The following DHX57 variants were observed in gnomAD, a reference collection of about 807,000 sequenced individuals.
DHX57 encodes putative ATP-dependent RNA helicase DHX57.
In DHX57, 105 loss-of-function variants were observed where a neutral mutation model predicts 156.2. The ratio of observed to expected loss-of-function variants is 0.67; its 90% CI spans 0.57 to 0.79. The LOEUF (loss-of-function observed/expected upper bound fraction) is 0.79. DHX57 is among the 30% of genes least tolerant of loss of function. The pLI is 0.00. For synonymous variants in DHX57, 704 were observed against 595.6 expected (o/e 1.18, Z -2.65); for missense variants, 1,847 against 1,661.9 (o/e 1.11, Z -1.94).
intron 11 of DHX57, among the ~76,000 whole-genome samples, chr2:38,844,309 C>T (rs547637738): frequency 2.6e-5 from 4 of 152,086 alleles, no homozygotes; most frequent in Non-Finnish European, 5.9e-5. Context: ...ATTAGAGGCA[C>T]AAGAAAAGTA....
At chr2:38,811,466 G>A (rs144303114) in intron 21 of DHX57, 149 of 653,466 alleles carry the variant, frequency 2.3e-4, no homozygotes, top group African/African-American at 1.2e-3. Flanking sequence ...CCTTGCTGAC[G>A]TCCTCAATGA....
At chr2:38,829,152 A>C (rs1671250850) in intron 13 of DHX57, among the ~76,000 whole-genome samples, 1 of 152,168 alleles carries the variant, frequency 6.6e-6, no homozygotes, top group South Asian at 2.1e-4. Flanking sequence ...CATGTTGCCC[A>C]GGCTGGTCTC....
intron 11 of DHX57, among the ~76,000 whole-genome samples, chr2:38,846,692 G>C (rs1198090306): frequency 6.6e-6 from 1 of 151,736 alleles, no homozygotes. Flanking sequence ...CTGAAAGAGA[G>C]GGGAGAACAA....
At chr2:38,868,084 A>C (rs2124946550) in intron 2 of DHX57, 98 bp downstream of exon 2, 2 of 1,456,226 alleles carry the variant, frequency 1.4e-6, no homozygotes, top group African/African-American at 2.8e-5. Context: ...ATTTGACCAG[A>C]ATTACTCGAC....
chr2:38,864,989 C>A (rs983733887), intron 2 of DHX57, among the ~76,000 whole-genome samples: 1 of 152,172 alleles, frequency 6.6e-6, no homozygotes, highest in African/African-American at 2.4e-5. Context: ...TTTAAGCATA[C>A]AATTCGATCT....
In DHX57 at chr2:38,862,938, T is replaced by C. The variant is rs145523347; in HGVS notation, c.383+423A>G. ...GAAATCCAAAGCAAAAGAGCCGAAA[T>C]GCAGTAGAGTGGGAAACGAATAAGA... On this transcript the variant is annotated intron_variant, in intron 3 of 23. Transcript: ENST00000457308. 265 of 157,878 alleles carry C rather than the reference T, an allele frequency of 1.7e-3. 1 individual carries two copies. Among genetic ancestry groups the C allele is most frequent in the Non-Finnish European group, 2.8e-3 (200 of 71,694 alleles). The allele number at this position is 157,878 out of a possible 1,614,324, so 9.8% of individuals were successfully genotyped here. A position where few individuals can be genotyped will look rare whatever the true frequency, so the allele number is the denominator to read the frequency against.
At chr2:38,828,239 A>G (rs2124823257) in intron 14 of DHX57, 101 bp downstream of exon 14, 1 of 750,226 alleles carries the variant, frequency 1.3e-6, no homozygotes, top group Non-Finnish European at 2.0e-6. Flanking sequence ...AAACAAATGT[A>G]TGCTCGAAGA....
chr2:38,840,540 C>A (rs1456015255), intron 12 of DHX57, among the ~76,000 whole-genome samples: 1 of 151,074 alleles, frequency 6.6e-6, no homozygotes, highest in African/African-American at 2.4e-5. Context: ...GCCACCACAC[C>A]TGGCTAATTT....
chr2:38,856,443 A>G lies in DHX57; in HGVS notation c.1606T>C (p.Ser536Pro). ...AGTGATTGCCTCTCTTGCAGAATGG[A>G]CTGGAACTGTCTGGAAGCCTAATAA... ...RMKQASRQFQ[S>P]ILQERQSLPA... Residue 536 changes from serine to proline, a missense_variant, in exon 7 of 24, where the codon TCC (serine) becomes CCC (proline). Ser to Pro is a moderately conservative substitution (Grantham distance 74, BLOSUM62 -1). Transcript: ENST00000457308. 6.2e-7 allele frequency: 1 copy of G among 1,611,912 alleles called. No homozygotes were observed. Among genetic ancestry groups the G allele is most frequent in the Non-Finnish European group, 8.5e-7 (1 of 1,179,528 alleles).
intron 2 of DHX57, among the ~76,000 whole-genome samples, chr2:38,866,764 A>C (rs996093156): frequency 6.6e-6 from 1 of 152,228 alleles, no homozygotes; most frequent in Non-Finnish European, 1.5e-5. Flanking sequence ...CAGCTAACTC[A>C]GAAGTTAGGT....
chr2:38,846,272 G>C (rs1420154293), intron 11 of DHX57, among the ~76,000 whole-genome samples: 3 of 152,086 alleles, frequency 2.0e-5, no homozygotes, highest in Admixed American at 6.6e-5. Context: ...GAATCAGCAA[G>C]TATAAATTCA....
At chr2:38,865,652 T>C (rs2124941808) in intron 2 of DHX57, among the ~76,000 whole-genome samples, 1 of 152,264 alleles carries the variant, frequency 6.6e-6, no homozygotes, top group South Asian at 2.1e-4. Flanking sequence ...ATCATTTCTT[T>C]GTGTTGGGAA....
At chr2:38,858,534 CT>C in intron 6 of DHX57, 126 bp downstream of exon 6, 1 of 1,305,702 alleles carries the variant, frequency 7.7e-7, no homozygotes, top group East Asian at 2.4e-5. Flanking sequence ...CCTGTAGAAA[CT>C]TTGACCACTC....
intron 6 of DHX57, among the ~76,000 whole-genome samples, 166 bp downstream of exon 6, chr2:38,858,495 T>C (rs1239279192): frequency 6.6e-6 from 1 of 152,248 alleles, no homozygotes; most frequent in Non-Finnish European, 1.5e-5. Context: ...TCCAAAACCA[T>C]CTAGCATATG....
intron 6 of DHX57, among the ~76,000 whole-genome samples, chr2:38,858,422 C>T (rs571165374): frequency 6.6e-4 from 67 of 101,212 alleles, no homozygotes; most frequent in African/African-American, 1.6e-3. Flanking sequence ...GTACCAAAGG[C>T]ACATGACTCT....
intron 10 of DHX57, among the ~76,000 whole-genome samples, chr2:38,847,755 T>C (rs769472163): frequency 2.6e-5 from 4 of 152,204 alleles, no homozygotes; most frequent in African/African-American, 7.2e-5. Context: ...TAAGTAACTA[T>C]GACTTTTTTT....
At chr2:38,865,072 T>C (rs1416146577) in intron 2 of DHX57, among the ~76,000 whole-genome samples, 3 of 152,358 alleles carry the variant, frequency 2.0e-5, no homozygotes, top group South Asian at 2.1e-4. Context: ...TCCTACTTCA[T>C]TGGCAGCTCC....
intron 9 of DHX57, among the ~76,000 whole-genome samples, chr2:38,851,155 T>C (rs1012644383): frequency 1.3e-5 from 2 of 152,108 alleles, no homozygotes; most frequent in South Asian, 2.1e-4. Flanking sequence ...ATAATCCCAA[T>C]AGTGTTTGTG....
At chr2:38,813,011 C>G (rs1038589497) in intron 21 of DHX57, among the ~76,000 whole-genome samples, 39 of 151,936 alleles carry the variant, frequency 2.6e-4, no homozygotes, top group Non-Finnish European at 8.8e-5. Context: ...CCACACCCAG[C>G]TAATTTTTGT....
Sources: allele counts gnomAD v4.1 joint callset (sites outside exome capture counted in the v4.1 genomes callset), GRCh38; gene constraint gnomAD v4.1.1; transcripts MANE v1.5; gene names NCBI Gene and HGNC (gene_info 2026-07-23, HGNC 2026-07-21).